The following TBC1D22A variants were observed in gnomAD, a reference collection of about 807,000 sequenced individuals.
TBC1D22A encodes putative GTPase activator.
A neutral mutation model predicts 60.2 loss-of-function variants in TBC1D22A; 38 were observed. The ratio of observed to expected loss-of-function variants is 0.63; its 90% CI spans 0.49 to 0.83. The LOEUF is 0.83. TBC1D22A is among the 40% of genes least tolerant of loss of function. The pLI, the probability that TBC1D22A is intolerant of heterozygous loss-of-function variation, is 0.00. For missense variants in TBC1D22A, 628 were observed against 701.0 expected (o/e 0.90, Z 1.18); for synonymous variants, 302 against 281.7 (o/e 1.07, Z -0.72).
chr22:47,016,533 G>T (rs2061915897), intron 10 of TBC1D22A, among the ~76,000 whole-genome samples: 1 of 152,206 alleles, frequency 6.6e-6, no homozygotes, highest in African/African-American at 2.4e-5. Context: ...CCTGAGGACT[G>T]GGCTGGGAAG....
chr22:46,764,094 CA>C (rs879675725), intron 1 of TBC1D22A: 46 of 141,610 alleles, frequency 3.2e-4, no homozygotes, highest in Admixed American at 4.2e-4. Flanking sequence ...AACTCTGTCT[CA>C]AAAAAAAAAA....
At chr22:47,065,833 T>C (rs913451418) in intron 11 of TBC1D22A, among the ~76,000 whole-genome samples, 7 of 152,116 alleles carry the variant, frequency 4.6e-5, no homozygotes, top group Non-Finnish European at 1.0e-4. Flanking sequence ...AGTTCCTCAG[T>C]TCCCCCTGTG....
At chr22:46,863,604 G>T (rs566612961) in intron 4 of TBC1D22A, among the ~76,000 whole-genome samples, 1 of 152,134 alleles carries the variant, frequency 6.6e-6, no homozygotes, top group Non-Finnish European at 1.5e-5. Context: ...CTTGGTCATC[G>T]TGCTTATCCC....
chr22:47,134,546 T>A (rs2066790984), intron 12 of TBC1D22A, among the ~76,000 whole-genome samples: 1 of 152,210 alleles, frequency 6.6e-6, no homozygotes, highest in African/African-American at 2.4e-5. Flanking sequence ...CACTTTTGTG[T>A]GCAGCTAGGG....
chr22:46,822,906 A>G (rs1602018124), intron 4 of TBC1D22A, among the ~76,000 whole-genome samples: 2 of 152,100 alleles, frequency 1.3e-5, no homozygotes, highest in South Asian at 4.1e-4. Context: ...GAGCTCCAGT[A>G]TATGTGAGAA....
At chr22:47,056,323 T>A (rs1459812515) in intron 11 of TBC1D22A, among the ~76,000 whole-genome samples, 1 of 152,036 alleles carries the variant, frequency 6.6e-6, no homozygotes, top group African/African-American at 2.4e-5. Context: ...GGGTGCTTGT[T>A]AGTGATTGAC....
chr22:46,860,837 G>T (rs1166927552), intron 4 of TBC1D22A, among the ~76,000 whole-genome samples: 1 of 152,234 alleles, frequency 6.6e-6, no homozygotes, highest in Non-Finnish European at 1.5e-5. Context: ...AATTACACGA[G>T]TGTTTCCTGT....
chr22:47,088,495 C>G (rs1411573449), intron 11 of TBC1D22A, among the ~76,000 whole-genome samples: 2 of 152,202 alleles, frequency 1.3e-5, no homozygotes, highest in African/African-American at 4.8e-5. Context: ...ATAATAACTT[C>G]TAAGTAAAGC....
At chr22:46,905,901 C>T (rs1041706431) in intron 7 of TBC1D22A, among the ~76,000 whole-genome samples, 18 of 152,192 alleles carry the variant, frequency 1.2e-4, no homozygotes, top group African/African-American at 4.1e-4. Context: ...GGATTTTCCT[C>T]CTGAGTCTAG....
intron 4 of TBC1D22A, among the ~76,000 whole-genome samples, chr22:46,861,486 C>T (rs565447941): frequency 6.6e-6 from 1 of 152,160 alleles, no homozygotes; most frequent in Non-Finnish European, 1.5e-5. Flanking sequence ...CCCAGGGGGC[C>T]CTCCCCTTTA....
At chr22:47,143,006 C>G (rs939504116) in intron 12 of TBC1D22A, among the ~76,000 whole-genome samples, 1 of 151,680 alleles carries the variant, frequency 6.6e-6, no homozygotes, top group Non-Finnish European at 1.5e-5. Context: ...TGAGGGCCTG[C>G]TGGAATCATG....
chr22:47,080,875 C>G (rs886334500), intron 11 of TBC1D22A, among the ~76,000 whole-genome samples: 35 of 152,204 alleles, frequency 2.3e-4, no homozygotes, highest in African/African-American at 7.9e-4. Flanking sequence ...GTAATCCCAG[C>G]ACTTTGGGAG....
chr22:47,171,740 G>A (rs1321301379), intron 12 of TBC1D22A, among the ~76,000 whole-genome samples: 1 of 152,080 alleles, frequency 6.6e-6, no homozygotes, highest in Non-Finnish European at 1.5e-5. Context: ...GGGCTGTCAG[G>A]CGGTGGTCGT....
At chr22:46,935,556 C>T (rs1190117530) in intron 8 of TBC1D22A, among the ~76,000 whole-genome samples, 2 of 152,168 alleles carry the variant, frequency 1.3e-5, no homozygotes, top group East Asian at 1.9e-4. Context: ...ATTCAAAGCT[C>T]GAAGTTTGGG....
chr22:46,856,927 T>C (rs567668127), intron 4 of TBC1D22A, among the ~76,000 whole-genome samples: 3 of 152,362 alleles, frequency 2.0e-5, no homozygotes, highest in African/African-American at 7.2e-5. Context: ...GTGCAAGCAT[T>C]TGAAATGAGG....
chr22:46,952,254 G>C (rs985429708), intron 8 of TBC1D22A, among the ~76,000 whole-genome samples: 4 of 152,302 alleles, frequency 2.6e-5, no homozygotes, highest in African/African-American at 9.6e-5. Flanking sequence ...GCATTCCTGT[G>C]GACCCTGTCC....
At chr22:47,063,594 C>G (rs550974499) in intron 11 of TBC1D22A, among the ~76,000 whole-genome samples, 1 of 152,148 alleles carries the variant, frequency 6.6e-6, no homozygotes, top group East Asian at 1.9e-4. Flanking sequence ...GGGTGCCCCT[C>G]CAGTCACACC....
chr22:47,089,169 A>T (rs985491324), intron 11 of TBC1D22A, among the ~76,000 whole-genome samples: 1 of 152,202 alleles, frequency 6.6e-6, no homozygotes, highest in African/African-American at 2.4e-5. Context: ...GAACAAAGTG[A>T]CAGCAGAAAG....
chr22:46,778,032 T>A (rs142332428), intron 1 of TBC1D22A, among the ~76,000 whole-genome samples: 106 of 152,330 alleles, frequency 7.0e-4, no homozygotes, highest in African/African-American at 2.3e-3. Flanking sequence ...TATTTTTGTA[T>A]CTAAACATCT....
Sources: gnomAD v4.1 joint callset for allele counts (sites outside exome capture counted in the v4.1 genomes callset) on GRCh38, gnomAD v4.1.1 for gene constraint, MANE v1.5 for transcripts, NCBI Gene and HGNC (gene_info 2026-07-23, HGNC 2026-07-21) for gene names.